Variants in XNDC1N observed in about 807,000 individuals in gnomAD.
XNDC1N encodes XRCC1 N-terminal domain containing 1, N-terminal like.
the XNDC1N span, among the ~76,000 whole-genome samples, chr11:71,882,299 A>G: frequency 6.6e-6 from 1 of 151,828 alleles, no homozygotes; most frequent in African/African-American, 2.4e-5. Context: ...TTTGTCACCC[A>G]GGCTGGAGTG....
At chr11:71,917,054 C>A in the XNDC1N span, 1 of 214,288 alleles carries the variant, frequency 4.7e-6, no homozygotes, top group Non-Finnish European at 9.3e-6. Flanking sequence ...ACTCTTGTCA[C>A]CCAGGCTGGA....
chr11:71,904,458 T>G, the XNDC1N span, among the ~76,000 whole-genome samples: 8 of 152,152 alleles, frequency 5.3e-5, no homozygotes, highest in African/African-American at 1.9e-4. Flanking sequence ...TGCATCTCCC[T>G]AGGATATTAT....
At chr11:71,868,492 A>G in the XNDC1N span, among the ~76,000 whole-genome samples, 1 of 152,116 alleles carries the variant, frequency 6.6e-6, no homozygotes, top group Non-Finnish European at 1.5e-5. Context: ...AAATTTCCTT[A>G]GCATTTGCTT....
chr11:71,878,350 C>A, the XNDC1N span: 2 of 1,291,638 alleles, frequency 1.5e-6, no homozygotes, highest in South Asian at 1.3e-5. Context: ...CTGAAAGGTT[C>A]AATAATCACT....
At chr11:71,876,091 T>C in the XNDC1N span, among the ~76,000 whole-genome samples, 1 of 152,036 alleles carries the variant, frequency 6.6e-6, no homozygotes, top group Non-Finnish European at 1.5e-5. Flanking sequence ...AATTAATGCA[T>C]CAAAGTCCCC....
the XNDC1N span, among the ~76,000 whole-genome samples, chr11:71,881,844 A>T: frequency 2.6e-5 from 4 of 152,316 alleles, no homozygotes; most frequent in Admixed American, 6.5e-5. Flanking sequence ...TAAAAAGAAC[A>T]GAATATTTAA....
At chr11:71,921,000 C>CT in the XNDC1N span, among the ~76,000 whole-genome samples, 43 of 150,504 alleles carry the variant, frequency 2.9e-4, no homozygotes, top group Non-Finnish European at 2.7e-4. Context: ...ATTTCTTCTT[C>CT]TTTTTTTTTA....
At chr11:71,908,238 A>G in the XNDC1N span, among the ~76,000 whole-genome samples, 1 of 151,946 alleles carries the variant, frequency 6.6e-6, no homozygotes, top group South Asian at 2.1e-4. Flanking sequence ...TTTTCAGATT[A>G]TTAATATTAA....
chr11:71,897,865 T>C, the XNDC1N span, among the ~76,000 whole-genome samples: 1 of 152,238 alleles, frequency 6.6e-6, no homozygotes, highest in African/African-American at 2.4e-5. Context: ...TTTCATACAA[T>C]GGAAGACCAT....
the XNDC1N span, among the ~76,000 whole-genome samples, chr11:71,908,006 A>C: frequency 1.5e-3 from 227 of 152,294 alleles, 3 homozygotes; most frequent in Middle Eastern, 0.014. Context: ...TGGAGATTTT[A>C]TTCGGATCAA....
At chr11:71,895,563 GT>G in the XNDC1N span, among the ~76,000 whole-genome samples, 1 of 149,806 alleles carries the variant, frequency 6.7e-6, no homozygotes, top group Non-Finnish European at 1.5e-5. Flanking sequence ...CCGACCTCAG[GT>G]GATCCGCCCG....
At chr11:71,914,490 C>A in the XNDC1N span, 1 of 406,154 alleles carries the variant, frequency 2.5e-6, no homozygotes, top group East Asian at 7.2e-5. Context: ...AGTTTGAGAC[C>A]AGCCTGGTCA....
At chr11:71,924,685 G>GA in the XNDC1N span, among the ~76,000 whole-genome samples, 567 of 149,878 alleles carry the variant, frequency 3.8e-3, 2 homozygotes, top group African/African-American at 0.013. Context: ...CTCCGTCTCA[G>GA]AAAAAAAACA....
chr11:71,886,933 C>A, the XNDC1N span, among the ~76,000 whole-genome samples: 1 of 152,272 alleles, frequency 6.6e-6, no homozygotes, highest in Non-Finnish European at 1.5e-5. Context: ...TCAGAGTTTG[C>A]AGCATAACCA....
At chr11:71,928,225 G>C in the XNDC1N span, 1 of 538,392 alleles carries the variant, frequency 1.9e-6, no homozygotes, top group African/African-American at 1.9e-5. Flanking sequence ...AGGCTCTTCA[G>C]CTCTCAGTTT....
At chr11:71,917,478 T>G in the XNDC1N span, 146 of 667,350 alleles carry the variant, frequency 2.2e-4, no homozygotes, top group Admixed American at 1.6e-3. Flanking sequence ...TTAACCACCC[T>G]TTGCCCCCAA....
At chr11:71,889,701 C>T in the XNDC1N span, among the ~76,000 whole-genome samples, 114 of 152,328 alleles carry the variant, frequency 7.5e-4, no homozygotes, top group African/African-American at 2.7e-3. Context: ...GTGTTACCTG[C>T]CGACAGCATG....
chr11:71,867,069 G>A, the XNDC1N span, among the ~76,000 whole-genome samples: 1 of 151,974 alleles, frequency 6.6e-6, no homozygotes, highest in Non-Finnish European at 1.5e-5. Flanking sequence ...TTTTATATTA[G>A]ATGTAAAGTA....
the XNDC1N span, among the ~76,000 whole-genome samples, chr11:71,919,428 G>C: frequency 6.9e-6 from 1 of 144,678 alleles, no homozygotes; most frequent in Non-Finnish European, 1.5e-5. Flanking sequence ...TTGCTCTGTC[G>C]CCCAGGCTGG....
Sources: allele counts gnomAD v4.1 joint callset (sites outside exome capture counted in the v4.1 genomes callset), GRCh38; gene constraint gnomAD v4.1.1; transcripts MANE v1.5; gene names NCBI Gene and HGNC (gene_info 2026-07-23, HGNC 2026-07-21).